ZNF366: variants seen among roughly 807,000 people sequenced by gnomAD.
ZNF366 encodes the protein zinc finger protein 366.
In ZNF366, 20 loss-of-function variants were observed where a neutral mutation model predicts 47.2. That is an observed-to-expected ratio of 0.42 (90% CI 0.30 to 0.62). The LOEUF (loss-of-function observed/expected upper bound fraction) is 0.62, where lower values mean the gene tolerates loss of function less well. ZNF366 is among the 20% of genes least tolerant of loss of function. ZNF366 has a pLI of 0.16. For missense variants in ZNF366, 987 were observed against 976.3 expected, an observed-to-expected ratio of 1.01 and a Z score of -0.15; for synonymous variants, 421 against 395.1, an observed-to-expected ratio of 1.07 and a Z score of -0.78.
At chr5:72,469,139 T>C (rs1388389661) in intron 1 of ZNF366, among the ~76,000 whole-genome samples, 1 of 152,148 alleles carries the variant, frequency 6.6e-6, no homozygotes, top group Non-Finnish European at 1.5e-5. Context: ...TACGATGATC[T>C]GCAAGCAAAA....
At chr5:72,471,589 T>G (rs1743565814) in intron 1 of ZNF366, among the ~76,000 whole-genome samples, 2 of 152,174 alleles carry the variant, frequency 1.3e-5, no homozygotes. Flanking sequence ...CCCATCATAG[T>G]CTATGGGTGG....
intron 1 of ZNF366, among the ~76,000 whole-genome samples, chr5:72,506,896 T>A (rs1477370976): frequency 6.6e-6 from 1 of 152,170 alleles, no homozygotes; most frequent in African/African-American, 2.4e-5. Flanking sequence ...GACACCCTGA[T>A]AAGGCTCCCA....
At chr5:72,454,266 G>C (rs1466434346) in intron 3 of ZNF366, among the ~76,000 whole-genome samples, 1 of 152,182 alleles carries the variant, frequency 6.6e-6, no homozygotes, top group Non-Finnish European at 1.5e-5. Flanking sequence ...TTCATGAAAG[G>C]AGGCCCTGAA....
intron 1 of ZNF366, among the ~76,000 whole-genome samples, chr5:72,468,827 A>T (rs1743487724): frequency 1.3e-5 from 2 of 152,190 alleles, no homozygotes; most frequent in South Asian, 4.1e-4. Context: ...TAAAGGAAGG[A>T]AATGAATTGG....
intron 1 of ZNF366, among the ~76,000 whole-genome samples, chr5:72,493,231 C>T (rs1455225886): frequency 3.3e-5 from 5 of 152,218 alleles, no homozygotes; most frequent in African/African-American, 1.2e-4. Flanking sequence ...GCAACAATCA[C>T]GTTTGCTGAG....
chr5:72,489,209 CA>C (rs949872221), intron 1 of ZNF366, among the ~76,000 whole-genome samples: 1 of 150,200 alleles, frequency 6.7e-6, no homozygotes, highest in African/African-American at 2.5e-5. Context: ...GACCCCATCT[CA>C]AAAAAGAAAT....
At chr5:72,463,176 G>A (rs375529181) in intron 1 of ZNF366, among the ~76,000 whole-genome samples, 8 of 152,326 alleles carry the variant, frequency 5.3e-5, no homozygotes, top group Admixed American at 4.6e-4. Context: ...GGTCCTTGGC[G>A]AGTCGGATAC....
chr5:72,497,360 G>A (rs11743229), intron 1 of ZNF366, among the ~76,000 whole-genome samples: 28,376 of 151,852 alleles, frequency 0.19, 2,789 homozygotes, highest in East Asian at 0.38. Flanking sequence ...CTTTTGTTAT[G>A]GATATGGAAT....
rs1223980425 is a variant in ZNF366 at position 72,465,325 on chromosome 5, A to AAAC, written c.-14-3818_-14-3816dup. Among the ~76,000 whole-genome samples, 8 of 152,256 alleles carry AAAC rather than the reference A, an allele frequency of 5.3e-5. No homozygotes were observed. The East Asian group carries it at 7.7e-4, about 15-fold the overall frequency. On this transcript the variant is annotated intron_variant, in intron 1 of 4. Transcript: ENST00000318442. ...TGATAAGGAGAAGCCCGAGGTGGTGAAACAACAACAACAACAAAATCTAGC... is the reference window on the plus strand; with the variant it reads ...TGATAAGGAGAAGCCCGAGGTGGTGAAACAACAACAACAACAACAAAATCTAGC...
At chr5:72,444,360 A>G in intron 4 of ZNF366, 69 bp from the exon 5 acceptor site, 1 of 1,524,142 alleles carries the variant, frequency 6.6e-7, no homozygotes, top group Non-Finnish European at 8.8e-7. Context: ...GAGGAAGGGG[A>G]GCAGCCCGGG....
chr5:72,488,591 C>T (rs529554117), intron 1 of ZNF366, among the ~76,000 whole-genome samples: 59 of 152,312 alleles, frequency 3.9e-4, no homozygotes, highest in African/African-American at 1.3e-3. Context: ...GATTTCACAT[C>T]GAATGTGTTG....
At position 72,472,507 on chromosome 5, in the gene ZNF366, A is replaced by G. The variant is rs1743587572; in HGVS notation, c.-14-10997T>C. The stretch of plus-strand genomic sequence containing the variant: ...CCTACCAGTGGGTTCTGTAGAACAG[A>G]GGAAGAATTTGGGGACTTGCAAAAT... On this transcript the variant is annotated intron_variant, in intron 1 of 4. Coordinates refer to ENST00000318442, the MANE Select transcript of ZNF366 (RefSeq NM_152625.3). 4.1e-6 allele frequency: 4 copies of G among 982,870 alleles called. No individual in the cohort carries two copies. In the South Asian group the frequency reaches 1.4e-4, roughly 35 times the overall value. 60.9% of individuals were successfully genotyped at this position (982,870 alleles called of 1,614,324 possible).
At chr5:72,487,833 T>C (rs1293152581) in intron 1 of ZNF366, among the ~76,000 whole-genome samples, 1 of 152,206 alleles carries the variant, frequency 6.6e-6, no homozygotes, top group Non-Finnish European at 1.5e-5. Context: ...AGTCTGAAAT[T>C]CTACCTGTGG....
intron 3 of ZNF366, among the ~76,000 whole-genome samples, chr5:72,452,887 G>A (rs535658978): frequency 6.6e-6 from 1 of 152,262 alleles, no homozygotes; most frequent in Non-Finnish European, 1.5e-5. Flanking sequence ...CCAGAATCTG[G>A]GAAGCATATT....
At chr5:72,455,135 G>A (rs1006713564) in intron 3 of ZNF366, among the ~76,000 whole-genome samples, 5 of 152,142 alleles carry the variant, frequency 3.3e-5, no homozygotes, top group African/African-American at 1.2e-4. Context: ...AAAAGGAGGG[G>A]AAACAGAAGT....
rs1239060208 is a variant in ZNF366 at position 72,462,467 on chromosome 5, G to A, written c.-14-957C>T. On this transcript the variant is annotated intron_variant, in intron 1 of 4. Coordinates refer to ENST00000318442, the MANE Select transcript of ZNF366 (RefSeq NM_152625.3). The stretch of plus-strand genomic sequence containing the variant: ...TGAAAGAGCTGGTGGTGGGACTAGA[G>A]TCTGAACAAGGGGCAGTGTTTTTCA... 2.6e-5 allele frequency among the ~76,000 whole-genome samples: 4 copies of A among 151,190 alleles called. 1 individual carries two copies. The South Asian group carries it at 6.3e-4, about 24-fold the overall frequency.
chr5:72,454,969 GC>G (rs1743149124), intron 3 of ZNF366, among the ~76,000 whole-genome samples: 1 of 143,696 alleles, frequency 7.0e-6, no homozygotes, highest in Non-Finnish European at 1.6e-5. Flanking sequence ...TTAATGCTCT[GC>G]TTCCATCATC....
intron 1 of ZNF366, among the ~76,000 whole-genome samples, chr5:72,496,158 T>G (rs1021720621): frequency 4.6e-5 from 7 of 152,180 alleles, no homozygotes; most frequent in Non-Finnish European, 7.4e-5. Flanking sequence ...TCATATGTTT[T>G]AAAATATGCA....
chr5:72,474,292 A>G (rs753412805), intron 1 of ZNF366, among the ~76,000 whole-genome samples: 60 of 152,140 alleles, frequency 3.9e-4, no homozygotes, highest in East Asian at 5.8e-4. Context: ...TCCTGCACGG[A>G]GCTGGGGCAG....
Sources: allele counts gnomAD v4.1 joint callset (sites outside exome capture counted in the v4.1 genomes callset), GRCh38; gene constraint gnomAD v4.1.1; transcripts MANE v1.5; gene names NCBI Gene and HGNC (gene_info 2026-07-23, HGNC 2026-07-21).